Variants in SPTAN1 observed in about 807,000 individuals in gnomAD.
SPTAN1 encodes the protein spectrin alpha chain, non-erythrocytic 1.
In SPTAN1, 61 loss-of-function variants were observed where a neutral mutation model predicts 331.3. The observed-to-expected ratio is 0.18, with a 90% CI of 0.15 to 0.23. SPTAN1 has a LOEUF of 0.23. SPTAN1 is among the 10% of genes least tolerant of loss of function. The pLI is 1.00. For missense variants in SPTAN1, 2,043 were observed against 3,147.9 expected (o/e 0.65, Z 8.40); for synonymous variants, 1,153 against 1,173.9 (o/e 0.98, Z 0.36).
At position 128,594,295 on chromosome 9, in the gene SPTAN1, C is replaced by G; in HGVS notation, c.3336C>G (p.Ala1112=). 6.2e-7 allele frequency: 1 copy of G among 1,614,106 alleles called. No individual in the cohort carries two copies. Among genetic ancestry groups the G allele is most frequent in the Non-Finnish European group, 8.5e-7 (1 of 1,180,034 alleles). The change falls in exon 24 of 57, where the codon GCC becomes GCG. Residue 1112 remains alanine, a synonymous_variant. Transcript: ENST00000372739. ...ELQQWINEKE[A]ALTSEEVGAD... ...AGCAATGGATCAATGAGAAGGAAGC[C>G]GCTCTGACAAGTGAGGAGGTCGGAG...
At chr9:128,582,171 A>C (rs1159728924) in intron 12 of SPTAN1, among the ~76,000 whole-genome samples, 1 of 152,218 alleles carries the variant, frequency 6.6e-6, no homozygotes, top group African/African-American at 2.4e-5. Context: ...TTCCCATTGA[A>C]AATACATCTT....
Position 128,568,849 on chromosome 9 carries a change from T to C in SPTAN1, c.315T>C (p.Thr105=), listed in dbSNP as rs1182605348. Residue 105 remains threonine, a synonymous_variant, in exon 3 of 57, where the codon ACT becomes ACC. Transcript: ENST00000372739. Reference sequence around the variant, plus strand: ...GAGCCATTGTTAAGCTGGATGAAACTGGAAACCTGATGATCTCAGAAGGGC... The same window carrying C: ...GAGCCATTGTTAAGCTGGATGAAACCGGAAACCTGATGATCTCAGAAGGGC... The part of the protein sequence containing the change: ...NSGAIVKLDE[T]GNLMISEGHF... 6.2e-7 allele frequency: 1 copy of C among 1,614,114 alleles called. No individual in the cohort carries two copies. Among genetic ancestry groups the C allele is most frequent in the Admixed American group, 1.7e-5 (1 of 60,014 alleles).
intron 44 of SPTAN1, among the ~76,000 whole-genome samples, chr9:128,620,149 A>G (rs1857661257): frequency 6.6e-6 from 1 of 152,334 alleles, no homozygotes. Context: ...GCCCAGAGGC[A>G]TAGGTGGATA....
chr9:128,558,615 G>A (rs1208864179), intron 1 of SPTAN1, among the ~76,000 whole-genome samples: 5 of 152,128 alleles, frequency 3.3e-5, no homozygotes, highest in South Asian at 2.1e-4. Flanking sequence ...TTAATGGCAC[G>A]TTTCCCAGAT....
At chr9:128,603,639 A>G (rs751409455) in intron 28 of SPTAN1, 49 bp downstream of exon 28, 16 of 1,603,858 alleles carry the variant, frequency 1.0e-5, no homozygotes, top group African/African-American at 1.3e-5. Context: ...TTTCTCCACT[A>G]TCTTCCTTCC....
Position 128,582,533 on chromosome 9 carries a change from G to C in SPTAN1, c.1627G>C (p.Asp543His), listed in dbSNP as rs1852070726. The C allele has an allele frequency of 1.9e-6, 3 of 1,613,962 alleles. No homozygotes were observed. Among genetic ancestry groups the C allele is most frequent in the East Asian group, 2.2e-5 (1 of 44,894 alleles). The change falls in exon 13 of 57, where the codon GAT (aspartate) becomes CAT (histidine). Residue 543 changes from aspartate to histidine, a missense_variant. Transcript: ENST00000372739. Reference sequence around the variant, plus strand: ...TCAGAACAACCACTATGCAATGGAAGATGTGGCCACTCGCCGAGATGCTGT... The same window carrying C: ...TCAGAACAACCACTATGCAATGGAACATGTGGCCACTCGCCGAGATGCTGT... ...LIQNNHYAME[D>H]VATRRDALLS...
intron 3 of SPTAN1, among the ~76,000 whole-genome samples, chr9:128,570,752 T>A (rs1199192861): frequency 1.3e-5 from 2 of 151,024 alleles, no homozygotes; most frequent in Non-Finnish European, 3.0e-5. Flanking sequence ...CACCTCCCAG[T>A]TTCAAGTGAT....
intron 48 of SPTAN1, 109 bp downstream of exon 48, chr9:128,626,087 T>TGCA: frequency 7.4e-7 from 1 of 1,351,694 alleles, no homozygotes; most frequent in East Asian, 2.4e-5. Flanking sequence ...GTGAGCTCAG[T>TGCA]GCAGAGCTTT....
rs150413188 is a variant in SPTAN1, at chr9:128,587,111, G to T, written c.2779-495G>T. ...CCTGGGATTACAGGCGTGAGGCACCGCGCTCGTTCTGTCGCTAGGGCTGGA... is the reference window on the plus strand; with the variant it reads ...CCTGGGATTACAGGCGTGAGGCACCTCGCTCGTTCTGTCGCTAGGGCTGGA... On this transcript the variant is annotated intron_variant, in intron 19 of 56. Transcript: ENST00000372739. 7.9e-5 allele frequency among the ~76,000 whole-genome samples: 12 copies of T among 152,212 alleles called. No homozygotes were observed. In the East Asian group the frequency reaches 2.1e-3, roughly 27 times the overall value.
intron 40 of SPTAN1, among the ~76,000 whole-genome samples, chr9:128,614,919 A>C (rs1166359166): frequency 6.6e-6 from 1 of 152,196 alleles, no homozygotes; most frequent in Non-Finnish European, 1.5e-5. Flanking sequence ...TGCATGGCTC[A>C]TTTGGTAAAT....
intron 1 of SPTAN1, among the ~76,000 whole-genome samples, chr9:128,563,857 C>T (rs1042267570): frequency 6.6e-6 from 1 of 151,614 alleles, no homozygotes; most frequent in African/African-American, 2.4e-5. Context: ...AGGCTGTTCT[C>T]GAACTTCTGG....
At position 128,625,951 on chromosome 9, in the gene SPTAN1, T is replaced by C. The variant is rs1307037436; in HGVS notation, c.6252T>C (p.Leu2084=). The C allele has an allele frequency of 6.2e-7, 1 of 1,614,042 alleles. No homozygotes were observed. Among genetic ancestry groups the C allele is most frequent in the South Asian group, 1.1e-5 (1 of 91,076 alleles). The part of the protein sequence containing the change: ...LANSAARKKK[L]LEAQSHFRKV... ...ACTCAGCCGCCCGCAAGAAGAAGCT[T>C]CTGGAGGCTCAGAGTCACTTCCGCA... Residue 2084 remains leucine (L), a synonymous_variant, in exon 48 of 57, where the codon CTT becomes CTC. Transcript: ENST00000372739. This position sits in a 1 kb window ranked among gnomAD's most constrained non-coding sequence, Gnocchi z 4.1.
chr9:128,575,128 T>C (rs577176123), intron 4 of SPTAN1, 71 bp from the exon 5 acceptor site: 82 of 1,596,314 alleles, frequency 5.1e-5, no homozygotes, highest in South Asian at 2.4e-4. Flanking sequence ...ATGTGTCTGT[T>C]TGATGTTTCT....
At chr9:128,585,694 T>C (rs1481639579) in intron 18 of SPTAN1, 54 bp from the exon 19 acceptor site, 2 of 1,449,976 alleles carry the variant, frequency 1.4e-6, no homozygotes, top group Admixed American at 3.3e-5. Flanking sequence ...TTTTTGTCCT[T>C]CTGTGATGTG....
intron 1 of SPTAN1, among the ~76,000 whole-genome samples, chr9:128,558,029 TC>T (rs1439797405): frequency 6.6e-6 from 1 of 152,114 alleles, no homozygotes; most frequent in Non-Finnish European, 1.5e-5. Flanking sequence ...GGTCTCAATC[TC>T]CTGACCTCGT....
rs763250092 is a variant in SPTAN1, at chr9:128,611,861, T to TC, written c.4905+19dup. ...TGCTGTCAAGGTATGGCCCACCAGC[T>TC]CCCGGTGCCCAGGGAGGAAGATGAC... On this transcript the variant is annotated intron_variant, in intron 38 of 56. Coordinates refer to ENST00000372739, the MANE Select transcript of SPTAN1 (RefSeq NM_001130438.3). 4 of 1,614,102 alleles carry TC rather than the reference T, an allele frequency of 2.5e-6. No individual in the cohort carries two copies. The highest frequency in any genetic ancestry group is 3.4e-6 in the Non-Finnish European group (4 of 1,180,032).
In SPTAN1 at chr9:128,585,355, A is replaced by G. The variant is rs1852456219; in HGVS notation, c.2561-393A>G. On this transcript the variant is annotated intron_variant, in intron 18 of 56. Coordinates refer to ENST00000372739, the MANE Select transcript of SPTAN1 (RefSeq NM_001130438.3). ...CGAGCCTGAATTTCTTATCTGTGAA[A>G]CGGGGATGACAGCACCTCTCCTGAC... Among the ~76,000 whole-genome samples the G allele has an allele frequency of 3.3e-5, 5 of 152,068 alleles. No individual in the cohort carries two copies. The South Asian group carries it at 1.0e-3, about 31-fold the overall frequency.
chr9:128,593,115 C>A, intron 23 of SPTAN1, 73 bp downstream of exon 23: 1 of 1,476,920 alleles, frequency 6.8e-7, no homozygotes, highest in Non-Finnish European at 9.3e-7. Context: ...TGCCGCTTCT[C>A]TTGAAGGCCT....
chr9:128,553,569 C>T (rs1848356109), intron 1 of SPTAN1, among the ~76,000 whole-genome samples: 1 of 152,182 alleles, frequency 6.6e-6, no homozygotes, highest in Non-Finnish European at 1.5e-5. Context: ...CCTAGAACAT[C>T]GCTTTCAAAA....
Sources: allele counts gnomAD v4.1 joint callset (sites outside exome capture counted in the v4.1 genomes callset), GRCh38; gene constraint gnomAD v4.1.1; non-coding constraint Gnocchi (gnomAD v3.1); transcripts MANE v1.5; gene names NCBI Gene and HGNC (gene_info 2026-07-23, HGNC 2026-07-21).